The following RGCC variants were observed in gnomAD, a reference collection of about 807,000 sequenced individuals.
RGCC encodes regulator of cell cycle RGCC.
A neutral mutation model predicts 15.4 loss-of-function variants in RGCC; 15 were observed. That is an observed-to-expected ratio of 0.97 (90% CI 0.65 to 1.50). The LOEUF is 1.50. Ranked by LOEUF, RGCC falls within the 40% of genes most tolerant of loss-of-function variation. RGCC has a pLI of 0.00. For missense variants in RGCC, 176 were observed against 189.7 expected (o/e 0.93, Z 0.42); for synonymous variants, 81 against 78.0 (o/e 1.04, Z -0.20).
At chr13:41,466,104 A>G (rs925690560) in intron 2 of RGCC, among the ~76,000 whole-genome samples, 2 of 150,994 alleles carry the variant, frequency 1.3e-5, no homozygotes, top group African/African-American at 4.9e-5. Context: ...TCACACTCAC[A>G]TGCTCTCACA....
intron 3 of RGCC, 67 bp from the exon 4 acceptor site, chr13:41,468,709 C>A: frequency 8.2e-7 from 1 of 1,215,774 alleles, no homozygotes; most frequent in Non-Finnish European, 1.2e-6. Flanking sequence ...AATATGGAGT[C>A]ATCAGCTGTC....
intron 2 of RGCC, among the ~76,000 whole-genome samples, chr13:41,460,639 T>TGCC (rs1226599050): frequency 1.3e-5 from 2 of 152,202 alleles, no homozygotes; most frequent in African/African-American, 4.8e-5. Flanking sequence ...CAGTAGAGCT[T>TGCC]AGATTGAGCC....
rs559934203 is a variant in RGCC at position 41,466,203 on chromosome 13, A to G, written c.236-620A>G. Among the ~76,000 whole-genome samples, 975 of 142,282 alleles carry G rather than the reference A, an allele frequency of 6.9e-3. 11 individuals carry two copies. The highest frequency in any genetic ancestry group is 0.025 in the African/African-American group (943 of 38,164). 93.3% of individuals were successfully genotyped at this position (142,282 alleles called of 152,430 possible). On this transcript the variant is annotated intron_variant, in intron 2 of 4. Transcript: ENST00000379359. ...CTCACACACACACTCACACACACTC[A>G]TACACTCACACACTTTCTCACACAC...
At chr13:41,461,602 G>A (rs2043821408) in intron 2 of RGCC, among the ~76,000 whole-genome samples, 1 of 152,202 alleles carries the variant, frequency 6.6e-6, no homozygotes. Flanking sequence ...TGACGGGGGA[G>A]TGTTTTGCTG....
Position 41,461,679 on chromosome 13 carries a change from G to A in RGCC, c.235+3209G>A, listed in dbSNP as rs7999807. 7.3e-3 allele frequency among the ~76,000 whole-genome samples: 1,119 copies of A among 152,292 alleles called. 14 individuals are homozygous for A. Among genetic ancestry groups the A allele is most frequent in the African/African-American group, 0.023 (969 of 41,552 alleles). On this transcript the variant is annotated intron_variant, in intron 2 of 4. Transcript: ENST00000379359. ...TATTATGATATTGTAGGACCATTTA[G>A]GAAATGAGGAACTGGCTTCTTTAGC...
chr13:41,466,239 A>T (rs1015397655), intron 2 of RGCC, among the ~76,000 whole-genome samples: 1 of 149,678 alleles, frequency 6.7e-6, no homozygotes, highest in African/African-American at 2.5e-5. Flanking sequence ...ACATATTCTC[A>T]CACACACCCA....
Position 41,457,778 on chromosome 13 carries a change from C to T in RGCC, c.49+22C>T. On this transcript the variant is annotated intron_variant, in intron 1 of 4. Transcript: ENST00000379359. The surrounding 1 kb of genome is among the most constrained non-coding windows in gnomAD (Gnocchi z 4.9). ...GCAGGTGAGTGCGGGGTCCGGGGTC[C>T]CCTTAAAGTCTCGGCTCTGCAGATG... 2.9e-6 allele frequency: 4 copies of T among 1,374,572 alleles called. No individual in the cohort carries two copies. The South Asian group carries it at 7.4e-5, about 26-fold the overall frequency. The allele number at this position is 1,374,572 out of a possible 1,614,324, so 85.1% of individuals were successfully genotyped here. A position where few individuals can be genotyped will look rare whatever the true frequency, so the allele number is the denominator to read the frequency against.
At chr13:41,470,207 C>T (rs957107669) in intron 4 of RGCC, among the ~76,000 whole-genome samples, 1 of 152,176 alleles carries the variant, frequency 6.6e-6, no homozygotes, top group African/African-American at 2.4e-5. Flanking sequence ...TTCTTATGTA[C>T]TGCACCATCT....
Position 41,458,345 on chromosome 13 carries a change from C to G in RGCC, c.110C>G (p.Ala37Gly), listed in dbSNP as rs747577417. The G allele has an allele frequency of 1.7e-5, 27 of 1,590,210 alleles. No homozygotes were observed. Among genetic ancestry groups the G allele is most frequent in the Non-Finnish European group, 2.2e-5 (26 of 1,174,698 alleles). Residue 37 changes from alanine to glycine, a missense_variant, in exon 2 of 5, where the codon GCG becomes GGG. By Grantham distance (60) the Ala-to-Gly change is moderately conservative (BLOSUM62 0). Transcript: ENST00000379359. This position sits in a 1 kb window ranked among gnomAD's most constrained non-coding sequence, Gnocchi z 4.4. Reference sequence around the variant, plus strand: ...TCGGACGCGCTGTGCGAGTTTGACGCGGTGCTGGCCGACTTCGCGTCGCCC... The same window carrying G: ...TCGGACGCGCTGTGCGAGTTTGACGGGGTGCTGGCCGACTTCGCGTCGCCC... ...DLSDALCEFD[A>G]VLADFASPFH...
intron 2 of RGCC, among the ~76,000 whole-genome samples, chr13:41,462,557 C>A (rs2139574684): frequency 6.6e-6 from 1 of 152,252 alleles, no homozygotes; most frequent in Admixed American, 6.5e-5. Context: ...AATATCCAGC[C>A]TTACCACCTG....
At position 41,470,533 on chromosome 13, in the gene RGCC, G is replaced by T; in HGVS notation, c.*48G>T. 1 of 1,599,216 alleles carries T rather than the reference G, an allele frequency of 6.3e-7. No homozygotes were observed. Among genetic ancestry groups the T allele is most frequent in the Non-Finnish European group, 8.6e-7 (1 of 1,166,570 alleles). On this transcript the variant is annotated 3_prime_UTR_variant, in exon 5 of 5. Coordinates refer to ENST00000379359, the MANE Select transcript of RGCC (RefSeq NM_014059.3). ...CATCATAAGGGAGAAGCTTCAGAAA[G>T]TTCCGAGGACCTGCTAAAATCAGCT...
Position 41,457,899 on chromosome 13 carries a change from C to G in RGCC, c.49+143C>G. The G allele has an allele frequency of 2.4e-6, 3 of 1,244,076 alleles. No individual in the cohort carries two copies. Among genetic ancestry groups the G allele is most frequent in the Non-Finnish European group, 3.1e-6 (3 of 959,980 alleles). 77.1% of individuals were successfully genotyped at this position (1,244,076 alleles called of 1,614,324 possible). On this transcript the variant is annotated intron_variant, in intron 1 of 4. Transcript: ENST00000379359. This position sits in a 1 kb window ranked among gnomAD's most constrained non-coding sequence, Gnocchi z 4.9. ...CCTGTCCCCGGTCTTCCCGCGCGGG[C>G]GGCTGCAGCCTCCTTTCCGGCCCGG...
At position 41,470,547 on chromosome 13, in the gene RGCC, C is replaced by T; in HGVS notation, c.*62C>T. ...AGCTTCAGAAAGTTCCGAGGACCTG[C>T]TAAAATCAGCTACTAGAATCTGCTG... On this transcript the variant is annotated 3_prime_UTR_variant, in exon 5 of 5. Transcript: ENST00000379359. The T allele has an allele frequency of 2.0e-6, 3 of 1,508,672 alleles. No homozygotes were observed. The highest frequency in any genetic ancestry group is 2.8e-6 in the Non-Finnish European group (3 of 1,084,184). 93.5% of individuals were successfully genotyped at this position (1,508,672 alleles called of 1,614,324 possible).
rs869157194 is a variant in RGCC, at chr13:41,469,295, T to TAATAAG, written c.406+459_406+460insTAAGAA. Among the ~76,000 whole-genome samples the TAATAAG allele has an allele frequency of 3.1e-3, 270 of 86,734 alleles. 3 individuals carry two copies. The highest frequency in any genetic ancestry group is 9.3e-3 in the African/African-American group (249 of 26,756). The allele number at this position is 86,734 out of a possible 152,430, so 56.9% of individuals were successfully genotyped here. Reference sequence around the variant, plus strand: ...ATAATAATAATAATAATAATAATAATAAGAAGAAGAAGAAGAAGAAGAAGA... The same window carrying TAATAAG: ...ATAATAATAATAATAATAATAATAATAATAAGAAGAAGAAGAAGAAGAAGAAGAAGA... On this transcript the variant is annotated intron_variant, in intron 4 of 4. Transcript: ENST00000379359.
chr13:41,468,929 G>A (rs2043861114), intron 4 of RGCC, 91 bp downstream of exon 4: 3 of 1,013,714 alleles, frequency 3.0e-6, no homozygotes, highest in Admixed American at 2.2e-5. Flanking sequence ...CTTGCCCTGG[G>A]GCAGAAAGTT....
At position 41,458,565 on chromosome 13, in the gene RGCC, T is replaced by C; in HGVS notation, c.235+95T>C. The C allele has an allele frequency of 7.8e-7, 1 of 1,284,234 alleles. No individual in the cohort carries two copies. The highest frequency in any genetic ancestry group is 1.1e-6 in the Non-Finnish European group (1 of 950,724). 79.6% of individuals were successfully genotyped at this position (1,284,234 alleles called of 1,614,324 possible). A position where few individuals can be genotyped will look rare whatever the true frequency, so the allele number is the denominator to read the frequency against. ...GGCCTCAGTTTTCTTATCAGTAAACTGAGGAATGGTTTCCTGAAGCTCAAC... is the reference window on the plus strand; with the variant it reads ...GGCCTCAGTTTTCTTATCAGTAAACCGAGGAATGGTTTCCTGAAGCTCAAC... On this transcript the variant is annotated intron_variant, in intron 2 of 4. Transcript: ENST00000379359. The surrounding 1 kb of genome is among the most constrained non-coding windows in gnomAD (Gnocchi z 4.4).
intron 2 of RGCC, among the ~76,000 whole-genome samples, chr13:41,459,102 C>T (rs1388661845): frequency 6.6e-6 from 1 of 152,100 alleles, no homozygotes; most frequent in African/African-American, 2.4e-5. Context: ...GAAGGTGGTT[C>T]CTGGTGATCT....
chr13:41,467,159 CAG>C lies in RGCC; in HGVS notation c.343+230_343+231del, dbSNP rs552646224. Among the ~76,000 whole-genome samples, 37 of 152,314 alleles carry C rather than the reference CAG, an allele frequency of 2.4e-4. No homozygotes were observed. The East Asian group carries it at 6.9e-3, about 29-fold the overall frequency. ...ATTTGGGGCAGAAAACCTGAAGTCACAGGGAGAAAGAAAATTTGGAGACTAGA... is the reference window on the plus strand; with the variant it reads ...ATTTGGGGCAGAAAACCTGAAGTCACGGAGAAAGAAAATTTGGAGACTAGA... On this transcript the variant is annotated intron_variant, in intron 3 of 4. Coordinates refer to ENST00000379359, the MANE Select transcript of RGCC (RefSeq NM_014059.3).
In RGCC at chr13:41,457,774, G is replaced by T; in HGVS notation, c.49+18G>T. The T allele has an allele frequency of 7.2e-7, 1 of 1,380,064 alleles. No homozygotes were observed. Among genetic ancestry groups the T allele is most frequent in the Non-Finnish European group, 9.3e-7 (1 of 1,071,192 alleles). 85.5% of individuals were successfully genotyped at this position (1,380,064 alleles called of 1,614,324 possible). ...GGCCGCAGGTGAGTGCGGGGTCCGG[G>T]GTCCCCTTAAAGTCTCGGCTCTGCA... On this transcript the variant is annotated intron_variant, in intron 1 of 4. Transcript: ENST00000379359. This position sits in a 1 kb window ranked among gnomAD's most constrained non-coding sequence, Gnocchi z 4.9.
Sources: gnomAD v4.1 joint callset for allele counts (sites outside exome capture counted in the v4.1 genomes callset) on GRCh38, gnomAD v4.1.1 for gene constraint, Gnocchi (gnomAD v3.1) non-coding constraint, MANE v1.5 for transcripts, NCBI Gene and HGNC (gene_info 2026-07-23, HGNC 2026-07-21) for gene names.